Variants in CLCN7 observed in about 807,000 individuals in gnomAD.
CLCN7 encodes the protein H(+)/Cl(-) exchange transporter 7.
Under a neutral mutation model 102.1 loss-of-function variants are expected in CLCN7, and 60 were observed. The ratio of observed to expected loss-of-function variants is 0.59; its 90% confidence interval spans 0.48 to 0.73. The LOEUF (loss-of-function observed/expected upper bound fraction) is 0.73, where lower values mean the gene tolerates loss of function less well. Ranked by LOEUF, CLCN7 falls within the 30% of genes least tolerant of loss-of-function variation. CLCN7 has a pLI of 0.00. For synonymous variants in CLCN7, 560 were observed against 490.5 expected, an observed-to-expected ratio of 1.14 and a Z score of -1.87; for missense variants, 962 against 1,125.7, an observed-to-expected ratio of 0.85 and a Z score of 2.08.
At chr16:1,469,642 C>T (rs1352362245) in intron 1 of CLCN7, among the ~76,000 whole-genome samples, 1 of 152,314 alleles carries the variant, frequency 6.6e-6, no homozygotes, top group Non-Finnish European at 1.5e-5. Flanking sequence ...GCTGAGATCA[C>T]ACCACTGCCC....
At chr16:1,448,639 G>A in intron 20 of CLCN7, 42 bp downstream of exon 20, 5 of 1,608,218 alleles carry the variant, frequency 3.1e-6, no homozygotes, top group Non-Finnish European at 3.4e-6. Flanking sequence ...ACAAGAGGCC[G>A]CTGGACACCC....
chr16:1,453,682 T>C (rs996745329), intron 14 of CLCN7, 152 bp downstream of exon 14: 1 of 782,514 alleles, frequency 1.3e-6, no homozygotes, highest in Non-Finnish European at 2.2e-6. Context: ...TCTGACCAGC[T>C]CCACCGGGGA....
chr16:1,473,201 A>T (rs2039101311), intron 1 of CLCN7, among the ~76,000 whole-genome samples: 2 of 152,060 alleles, frequency 1.3e-5, no homozygotes, highest in African/African-American at 4.8e-5. Context: ...CTTTTCATGC[A>T]GACTACAGCA....
intron 20 of CLCN7, 92 bp from the exon 21 acceptor site, chr16:1,448,576 A>G: frequency 1.2e-6 from 2 of 1,601,632 alleles, no homozygotes; most frequent in Non-Finnish European, 8.5e-7. Flanking sequence ...GCCGCTGGAC[A>G]GGAAACGCGG....
chr16:1,462,925 C>G (rs1596225685), intron 2 of CLCN7, among the ~76,000 whole-genome samples: 1 of 152,280 alleles, frequency 6.6e-6, no homozygotes, highest in Non-Finnish European at 1.5e-5. Flanking sequence ...CTCTGGGAGG[C>G]AGAGGCAGAA....
chr16:1,474,815 G>T lies in CLCN7; in HGVS notation c.141+19C>A. On this transcript the variant is annotated intron_variant, in intron 1 of 24. Coordinates refer to ENST00000382745, the MANE Select transcript of CLCN7 (RefSeq NM_001287.6). ...GCACGAGGGCTCAGTTTCCCCGCCT[G>T]CGCCCTGCCCGGCCTCACCTGGCGC... is the stretch of plus-strand genomic sequence containing the variant. 1 of 1,317,756 alleles carries T rather than the reference G, an allele frequency of 7.6e-7. No individual in the cohort carries two copies. The highest frequency in any genetic ancestry group is 2.0e-5 in the South Asian group (1 of 50,956). 81.6% of individuals were successfully genotyped at this position (1,317,756 alleles called of 1,614,324 possible). A position where few individuals can be genotyped will look rare whatever the true frequency, so the allele number is the denominator to read the frequency against.
intron 23 of CLCN7, 24 bp from the exon 24 acceptor site, chr16:1,447,110 G>A: frequency 1.3e-6 from 2 of 1,578,328 alleles, no homozygotes; most frequent in Non-Finnish European, 1.7e-6. Context: ...ACAGCTGTCA[G>A]TGCCCGCCCA....
At chr16:1,451,254 C>T (rs1596214462) in intron 16 of CLCN7, among the ~76,000 whole-genome samples, 1 of 152,210 alleles carries the variant, frequency 6.6e-6, no homozygotes. Context: ...GTCACCCAGG[C>T]TGGTATGCAG....
chr16:1,455,391 C>G, intron 11 of CLCN7, 141 bp from the exon 12 acceptor site: 1 of 755,308 alleles, frequency 1.3e-6, no homozygotes, highest in Admixed American at 1.8e-5. Context: ...AGGGAAGGGG[C>G]TGGAGCCAGG....
At chr16:1,462,363 GTCT>G (rs1298580653) in intron 2 of CLCN7, among the ~76,000 whole-genome samples, 1 of 98,446 alleles carries the variant, frequency 1.0e-5, no homozygotes, top group African/African-American at 4.0e-5. Flanking sequence ...ACCCTCATCT[GTCT>G]TTTTTTTTTT....
At chr16:1,455,293 C>G (rs748659975) in intron 11 of CLCN7, 43 bp from the exon 12 acceptor site, 1 of 1,258,988 alleles carries the variant, frequency 7.9e-7, no homozygotes, top group Non-Finnish European at 1.2e-6. Context: ...GAGCCACGCT[C>G]CCAGCCCAGG....
intron 11 of CLCN7, 174 bp from the exon 12 acceptor site, chr16:1,455,424 G>T: frequency 2.9e-6 from 2 of 683,562 alleles, no homozygotes; most frequent in Non-Finnish European, 2.6e-6. Context: ...GTGCGGGCAA[G>T]GAGCGGCCCA....
At chr16:1,474,103 A>G (rs1290390788) in intron 1 of CLCN7, 1 of 449,040 alleles carries the variant, frequency 2.2e-6, no homozygotes, top group Admixed American at 2.5e-5. Flanking sequence ...AAAAATATTA[A>G]GACAATACAC....
rs116169469 is a variant in CLCN7, at chr16:1,453,426, C to T, written c.1214+408G>A. Among the ~76,000 whole-genome samples the T allele has an allele frequency of 3.4e-3, 518 of 152,310 alleles. 3 individuals carry two copies. The highest frequency in any genetic ancestry group is 0.012 in the African/African-American group (494 of 41,566). ...CAGATGTGTGGGAAGTGGCGCTACCCGTGCCCCGGCTGTACCCGACAGTAT... is the reference window on the plus strand; with the variant it reads ...CAGATGTGTGGGAAGTGGCGCTACCTGTGCCCCGGCTGTACCCGACAGTAT... On this transcript the variant is annotated intron_variant, in intron 14 of 24. Coordinates refer to ENST00000382745, the MANE Select transcript of CLCN7 (RefSeq NM_001287.6).
intron 6 of CLCN7, 99 bp from the exon 7 acceptor site, chr16:1,459,286 C>T: frequency 9.8e-7 from 1 of 1,023,752 alleles, no homozygotes; most frequent in Non-Finnish European, 1.5e-6. Flanking sequence ...GAGCAGCAGA[C>T]ACGTCGGGGC....
chr16:1,458,293 C>T (rs1313583783), intron 7 of CLCN7, among the ~76,000 whole-genome samples: 1 of 152,240 alleles, frequency 6.6e-6, no homozygotes, highest in Non-Finnish European at 1.5e-5. Context: ...AGGGCGCAGA[C>T]CCTAAACACA....
chr16:1,469,621 G>C (rs1252837592), intron 1 of CLCN7, among the ~76,000 whole-genome samples: 1 of 152,200 alleles, frequency 6.6e-6, no homozygotes, highest in Non-Finnish European at 1.5e-5. Context: ...AATAGGCAGA[G>C]GTCGTGGTAA....
chr16:1,455,077 A>T, intron 12 of CLCN7, 57 bp downstream of exon 12: 1 of 1,040,344 alleles, frequency 9.6e-7, no homozygotes, highest in Non-Finnish European at 1.5e-6. Context: ...GGCCTTAAGC[A>T]AACAGGGTCC....
rs542775588 is a variant in CLCN7 at position 1,458,428 on chromosome 16, G to A, written c.676-672C>T. 1.4e-4 allele frequency among the ~76,000 whole-genome samples: 22 copies of A among 152,368 alleles called. No individual in the cohort carries two copies. The South Asian group carries it at 1.9e-3, about 13-fold the overall frequency. The stretch of plus-strand genomic sequence containing the variant: ...GGCCAGCCTGGCGCGGGTGACAGGC[G>A]GGTCGCCATTCCCAGCTGCTCCAGT... On this transcript the variant is annotated intron_variant, in intron 7 of 24. Transcript: ENST00000382745.
Sources: gnomAD v4.1 joint callset for allele counts (sites outside exome capture counted in the v4.1 genomes callset) on GRCh38, gnomAD v4.1.1 for gene constraint, MANE v1.5 for transcripts, NCBI Gene and HGNC (gene_info 2026-07-23, HGNC 2026-07-21) for gene names.